FOXO4: variants seen among roughly 807,000 people sequenced by gnomAD.
The protein encoded by FOXO4 is forkhead box protein O4.
In FOXO4, 3 loss-of-function variants were observed where a neutral mutation model predicts 20.8. That is an observed-to-expected ratio of 0.14 (90% CI 0.07 to 0.37). The LOEUF is 0.37. FOXO4 is among the 10% of genes least tolerant of loss of function. FOXO4 has a pLI of 1.00. For missense variants in FOXO4, 309 were observed against 431.9 expected (o/e 0.72, Z 2.52); for synonymous variants, 158 against 180.0 (o/e 0.88, Z 0.98).
rs1335036800 is a variant in FOXO4 at position 71,095,949 on chromosome X, G to T, written c.-580G>T. On this transcript the variant is annotated 5_prime_UTR_variant, in exon 1 of 3. Coordinates refer to ENST00000374259, the MANE Select transcript of FOXO4 (RefSeq NM_005938.4). ...AAACCCGGGGGGCGGGGGGTGGGGGGGGTTGATAGGGGAATCGGTGCGGGA... is the reference window on the plus strand; with the variant it reads ...AAACCCGGGGGGCGGGGGGTGGGGGTGGTTGATAGGGGAATCGGTGCGGGA... Among the ~76,000 whole-genome samples the T allele has an allele frequency of 1.1e-5, 1 of 90,744 alleles. No individual in the cohort carries two copies. Among genetic ancestry groups the T allele is most frequent in the African/African-American group, 3.9e-5 (1 of 25,339 alleles). 78.8% of individuals were successfully genotyped at this position (90,744 alleles called of 115,157 possible).
rs188251580 is a variant in FOXO4, at chrX:71,101,474, G to A, written c.1244G>A (p.Cys415Tyr). The A allele has an allele frequency of 8.3e-7, 1 of 1,209,686 alleles. No homozygotes were observed. The highest frequency in any genetic ancestry group is 3.0e-5 in the East Asian group (1 of 33,739). Residue 415 changes from cysteine to tyrosine, a missense_variant, in exon 2 of 3, where the codon TGT (cysteine) becomes TAT (tyrosine). Cys to Tyr is a radical substitution (Grantham distance 194). Coordinates refer to ENST00000374259, the MANE Select transcript of FOXO4 (RefSeq NM_005938.4). ...AAGCTGGCCACGGGCGTCGGCCTGT[G>A]TCCCAAGCCCCTAGAGGCTCCAGGC... ...SSKLATGVGL[C>Y]PKPLEAPGPS...
chrX:71,101,351 C>A lies in FOXO4; in HGVS notation c.1121C>A (p.Thr374Lys), dbSNP rs201386088. ...QALEALLTSDTPPPPADVLMT... is the reference protein window; with the variant it reads ...QALEALLTSDKPPPPADVLMT... ...CTGGAGGCCCTGCTCACCTCTGATACGCCACCACCCCCTGCTGACGTCCTC... is the reference window on the plus strand; with the variant it reads ...CTGGAGGCCCTGCTCACCTCTGATAAGCCACCACCCCCTGCTGACGTCCTC... Residue 374 changes from threonine to lysine, a missense_variant, in exon 2 of 3, where the codon ACG (threonine) becomes AAG (lysine). Coordinates refer to ENST00000374259, the MANE Select transcript of FOXO4 (RefSeq NM_005938.4). The A allele has an allele frequency of 7.4e-6, 9 of 1,209,351 alleles. No individual in the cohort carries two copies. In the Admixed American group the frequency reaches 1.7e-4, roughly 23 times the overall value.
chrX:71,101,945 G>T (rs2092232744), intron 2 of FOXO4, 132 bp from the exon 3 acceptor site: 2 of 799,687 alleles, frequency 2.5e-6, no homozygotes, highest in South Asian at 4.4e-5. Context: ...GCCCTGCAAG[G>T]TAGCACAGAA....
At chrX:71,100,294 C>T (rs1361294425) in intron 1 of FOXO4, among the ~76,000 whole-genome samples, 5 of 108,776 alleles carry the variant, frequency 4.6e-5, no homozygotes, top group South Asian at 4.0e-4. Flanking sequence ...ATCTCCCACC[C>T]GCTGTACAGA....
chrX:71,098,611 T>C (rs777336175), intron 1 of FOXO4, among the ~76,000 whole-genome samples: 28 of 112,363 alleles, frequency 2.5e-4, no homozygotes, highest in Admixed American at 1.8e-3. Context: ...GTAAGAGTTA[T>C]GGGCTTTTGG....
At position 71,096,282 on chromosome X, in the gene FOXO4, G is replaced by C. The variant is rs2092217819; in HGVS notation, c.-247G>C. The C allele has an allele frequency of 2.4e-6, 1 of 422,875 alleles. No individual in the cohort carries two copies. The highest frequency in any genetic ancestry group is 4.1e-6 in the Non-Finnish European group (1 of 243,161). 34.8% of individuals were successfully genotyped at this position (422,875 alleles called of 1,213,427 possible). A position where few individuals can be genotyped will look rare whatever the true frequency, so the allele number is the denominator to read the frequency against. On this transcript the variant is annotated 5_prime_UTR_variant, in exon 1 of 3. Coordinates refer to ENST00000374259, the MANE Select transcript of FOXO4 (RefSeq NM_005938.4). ...GCAGAAAAAGTGTCTTCGCTCGGCA[G>C]AGGTTACAGGTGGCATCTCAGAAAG... is the stretch of plus-strand genomic sequence containing the variant.
At position 71,101,507 on chromosome X, in the gene FOXO4, G is replaced by A. The variant is rs2092231720; in HGVS notation, c.1277G>A (p.Ser426Asn). The A allele has an allele frequency of 8.3e-7, 1 of 1,209,809 alleles. No homozygotes were observed. The highest frequency in any genetic ancestry group is 1.8e-5 in the African/African-American group (1 of 57,094). ...PKPLEAPGPS[S>N]LVPTLSMIAP... ...CCCCTAGAGGCTCCAGGCCCCAGCA[G>A]TCTGGTTCCCACCCTTTCTATGATA... Residue 426 changes from serine to asparagine, a missense_variant, in exon 2 of 3, where the codon AGT becomes AAT. Ser to Asn is a conservative substitution (Grantham distance 46). Around this residue, in one of 3 missense-constraint regions of FOXO4, gnomAD observed 223 missense variants for 302.7 expected, o/e 0.74. Transcript: ENST00000374259.
chrX:71,096,620 G>T lies in FOXO4; in HGVS notation c.92G>T (p.Cys31Phe). 1 of 1,210,560 alleles carries T rather than the reference G, an allele frequency of 8.3e-7. No individual in the cohort carries two copies. The highest frequency in any genetic ancestry group is 1.1e-6 in the Non-Finnish European group (1 of 894,683). The change falls in exon 1 of 3, where the codon TGC becomes TTC. Residue 31 changes from cysteine to phenylalanine, a missense_variant. This residue lies in a region of FOXO4 where 81 missense variants were observed against 94.2 expected (regional missense o/e 0.86). Transcript: ENST00000374259. ...DFEPQSRPRS[C>F]TWPLPRPEIA... ...GAACCCCAGAGCCGTCCCCGCTCCT[G>T]CACCTGGCCCCTTCCCCGACCAGAG...
rs752656715 is a variant in FOXO4, at chrX:71,100,900, G to A, written c.670G>A (p.Glu224Lys). Residue 224 changes from glutamate (E) to lysine (K), a missense_variant, in exon 2 of 3, where the codon GAA becomes AAA. This residue lies in a region of FOXO4 where 223 missense variants were observed against 302.7 expected (regional missense o/e 0.74). Transcript: ENST00000374259. ...ACCATCTGTGCTGCCAGCTCCACCC[G>A]AAGGTGCCACTCCAACGAGCCCTGT... Reference protein sequence around the residue: ...KKPSVLPAPPEGATPTSPVGH... With the variant: ...KKPSVLPAPPKGATPTSPVGH... The A allele has an allele frequency of 6.6e-6, 8 of 1,209,746 alleles. No individual in the cohort carries two copies. Among genetic ancestry groups the A allele is most frequent in the Admixed American group, 6.5e-5 (3 of 45,813 alleles).
intron 1 of FOXO4, 65 bp from the exon 2 acceptor site, chrX:71,100,619 A>T: frequency 6.8e-6 from 6 of 888,806 alleles, no homozygotes; most frequent in Non-Finnish European, 3.1e-6. Context: ...CTTAGACTTG[A>T]CCGCTGGCCA....
chrX:71,101,172 T>C lies in FOXO4; in HGVS notation c.942T>C (p.Ser314=). 1 of 1,211,283 alleles carries C rather than the reference T, an allele frequency of 8.3e-7. No individual in the cohort carries two copies. The highest frequency in any genetic ancestry group is 1.7e-5 in the African/African-American group (1 of 57,656). Residue 314 remains serine (S), a synonymous_variant, in exon 2 of 3, where the codon TCT becomes TCC. Coordinates refer to ENST00000374259, the MANE Select transcript of FOXO4 (RefSeq NM_005938.4). ...TGTTAGATGGGCTCAATCTCACCTC[T>C]TCCCATTCCCTGCTATCTCGGAGTG... ...LELLDGLNLT[S]SHSLLSRSGL...
At chrX:71,097,094 G>A (rs1160419338) in intron 1 of FOXO4, 113 bp downstream of exon 1, 87 of 520,468 alleles carry the variant, frequency 1.7e-4, no homozygotes, top group Non-Finnish European at 2.5e-4. Flanking sequence ...CACCCCCTTT[G>A]GGAAGCCCAG....
At chrX:71,098,130 G>A (rs1033372501) in intron 1 of FOXO4, among the ~76,000 whole-genome samples, 1 of 112,055 alleles carries the variant, frequency 8.9e-6, no homozygotes, top group Admixed American at 9.4e-5. Context: ...GAAATAACAA[G>A]TTGTTAGTTA....
chrX:71,101,377 A>G lies in FOXO4; in HGVS notation c.1147A>G (p.Met383Val). The change falls in exon 2 of 3, where the codon ATG (methionine) becomes GTG (valine). Residue 383 changes from methionine to valine, a missense_variant. By Grantham distance (21) the Met-to-Val change is conservative. Around this residue, in one of 3 missense-constraint regions of FOXO4, gnomAD observed 223 missense variants for 302.7 expected, o/e 0.74. Transcript: ENST00000374259. ...GCCACCACCCCCTGCTGACGTCCTC[A>G]TGACCCAGGTAGATCCCATTCTGTC... Reference protein sequence around the residue: ...DTPPPPADVLMTQVDPILSQA... With the variant: ...DTPPPPADVLVTQVDPILSQA... 1 of 1,210,905 alleles carries G rather than the reference A, an allele frequency of 8.3e-7. No individual in the cohort carries two copies.
Position 71,096,703 on chromosome X carries a change from C to T in FOXO4, c.175C>T (p.His59Tyr). 1 of 1,209,162 alleles carries T rather than the reference C, an allele frequency of 8.3e-7. No individual in the cohort carries two copies. The highest frequency in any genetic ancestry group is 1.1e-6 in the Non-Finnish European group (1 of 894,190). The change falls in exon 1 of 3, where the codon CAC (histidine) becomes TAC (tyrosine). Residue 59 changes from histidine to tyrosine, a missense_variant. His to Tyr is a moderately conservative substitution (Grantham distance 83, BLOSUM62 2). Transcript: ENST00000374259. ...EVEPDLGEKV[H>Y]TEGRSEPILL... Reference sequence around the variant, plus strand: ...GGAGCCAGATCTGGGGGAAAAGGTACACACGGAGGGGCGCTCAGAGCCGAT... The same window carrying T: ...GGAGCCAGATCTGGGGGAAAAGGTATACACGGAGGGGCGCTCAGAGCCGAT...
At position 71,102,152 on chromosome X, in the gene FOXO4, C is replaced by G; in HGVS notation, c.*68C>G. The G allele has an allele frequency of 9.1e-7, 1 of 1,100,840 alleles. No individual in the cohort carries two copies. The highest frequency in any genetic ancestry group is 1.3e-6 in the Non-Finnish European group (1 of 799,792). The allele number at this position is 1,100,840 out of a possible 1,213,427, so 90.7% of individuals were successfully genotyped here. A position where few individuals can be genotyped will look rare whatever the true frequency, so the allele number is the denominator to read the frequency against. On this transcript the variant is annotated 3_prime_UTR_variant, in exon 3 of 3. Transcript: ENST00000374259. ...AGGCGTGTTCATATCTACTCTTTAC[C>G]CTTGAGCCCTCCCCAGGAATTTGGG...
rs764329048 is a variant in FOXO4 at position 71,101,749 on chromosome X, C to G, written c.1510+9C>G. 9.4e-6 allele frequency: 11 copies of G among 1,171,168 alleles called. No individual in the cohort carries two copies. On this transcript the variant is annotated intron_variant, in intron 2 of 2. Coordinates refer to ENST00000374259, the MANE Select transcript of FOXO4 (RefSeq NM_005938.4). ...CTTCAACTTTGAGCCAGGTACAGTACCCCCTAATCACCACAGCACCTCATA... is the reference window on the plus strand; with the variant it reads ...CTTCAACTTTGAGCCAGGTACAGTAGCCCCTAATCACCACAGCACCTCATA...
rs201345911 is a variant in FOXO4 at position 71,102,069 on chromosome X, T to C, written c.1511-8T>C. ...TCTTACCTTGTTCTCTGTTTCTTCT[T>C]CCCACAGATCCCTGAGTCATGCCTG... On this transcript the variant is annotated splice_polypyrimidine_tract_variant and splice_region_variant and intron_variant, in intron 2 of 2. Transcript: ENST00000374259. 2.3e-4 allele frequency: 274 copies of C among 1,207,882 alleles called. 1 individual carries two copies. The highest frequency in any genetic ancestry group is 1.4e-4 in the Non-Finnish European group (126 of 893,861).
chrX:71,100,590 C>A, intron 1 of FOXO4, 94 bp from the exon 2 acceptor site: 1 of 636,825 alleles, frequency 1.6e-6, no homozygotes, highest in Non-Finnish European at 2.3e-6. Context: ...AACCCTAGAT[C>A]ATCAGGGTCC....
Sources: gnomAD v4.1 joint callset for allele counts (sites outside exome capture counted in the v4.1 genomes callset) on GRCh38, gnomAD v4.1.1 for gene constraint, gnomAD v4.1.1 regional missense constraint, MANE v1.5 for transcripts, NCBI Gene and HGNC (gene_info 2026-07-23, HGNC 2026-07-21) for gene names.